PBX3: variants seen among roughly 807,000 people sequenced by gnomAD.
PBX3 encodes the protein PBX homeobox 3, also known as pre-B-cell leukemia transcription factor 3.
Under a neutral mutation model 48.5 loss-of-function variants are expected in PBX3, and 14 were observed. The ratio of observed to expected loss-of-function variants is 0.29; its 90% confidence interval spans 0.19 to 0.45. The LOEUF is 0.45. Ranked by LOEUF, PBX3 falls within the 20% of genes least tolerant of loss-of-function variation. The pLI is 1.00. For missense variants in PBX3, 386 were observed against 546.7 expected, an observed-to-expected ratio of 0.71 and a Z score of 2.93; for synonymous variants, 210 against 200.3, an observed-to-expected ratio of 1.05 and a Z score of -0.41.
intron 2 of PBX3, among the ~76,000 whole-genome samples, chr9:125,830,946 A>G (rs566252173): frequency 2.0e-5 from 3 of 152,262 alleles, no homozygotes; most frequent in Admixed American, 2.0e-4. Context: ...CTCCTGTATA[A>G]CCACCAGTCA....
chr9:125,937,368 A>C (rs1841861453), intron 5 of PBX3, among the ~76,000 whole-genome samples: 2 of 152,162 alleles, frequency 1.3e-5, no homozygotes, highest in Non-Finnish European at 1.5e-5. Flanking sequence ...TTTAAAAAAA[A>C]CAGTTAATTA....
chr9:125,922,741 AT>A (rs1841483542), intron 3 of PBX3, among the ~76,000 whole-genome samples: 1 of 152,192 alleles, frequency 6.6e-6, no homozygotes, highest in Non-Finnish European at 1.5e-5. Flanking sequence ...TGTTTAAAAA[AT>A]GTATGCCTTT....
chr9:125,838,030 A>G (rs572132135), intron 2 of PBX3, among the ~76,000 whole-genome samples: 94 of 152,250 alleles, frequency 6.2e-4, no homozygotes, highest in African/African-American at 2.1e-3. Context: ...ATTTGATACC[A>G]TATGGAAAAA....
chr9:125,875,796 T>G (rs890935674), intron 2 of PBX3, among the ~76,000 whole-genome samples: 1 of 152,202 alleles, frequency 6.6e-6, no homozygotes, highest in African/African-American at 2.4e-5. Flanking sequence ...ATAAATTGGC[T>G]TTTTATTCTT....
chr9:125,846,003 A>G (rs1564136136), intron 2 of PBX3, among the ~76,000 whole-genome samples: 1 of 152,116 alleles, frequency 6.6e-6, no homozygotes, highest in South Asian at 2.1e-4. Flanking sequence ...ATTAGTTTTT[A>G]AAAAATATAT....
At chr9:125,846,259 T>C (rs1414515740) in intron 2 of PBX3, among the ~76,000 whole-genome samples, 2 of 152,074 alleles carry the variant, frequency 1.3e-5, no homozygotes, top group African/African-American at 2.4e-5. Context: ...ATAAGTGTTA[T>C]TGTTCATGTC....
chr9:125,837,521 G>T (rs994935993), intron 2 of PBX3, among the ~76,000 whole-genome samples: 2 of 151,664 alleles, frequency 1.3e-5, no homozygotes, highest in Non-Finnish European at 2.9e-5. Context: ...TGTACTTTTT[G>T]CATTTTGAAC....
In PBX3 at chr9:125,928,392, A is replaced by ATGTGTGTGTG. The variant is rs112869741; in HGVS notation, c.517-1241_517-1232dup. On this transcript the variant is annotated intron_variant, in intron 3 of 8. Coordinates refer to ENST00000373489, the MANE Select transcript of PBX3 (RefSeq NM_006195.6). ...AGACTCTGAATATTAGGGGAAACAAATGTGTGTGTGTGTGTGTGTGTGTGT... is the reference window on the plus strand; with the variant it reads ...AGACTCTGAATATTAGGGGAAACAAATGTGTGTGTGTGTGTGTGTGTGTGTGTGTGTGTGT... Among the ~76,000 whole-genome samples, 186 of 140,282 alleles carry ATGTGTGTGTG rather than the reference A, an allele frequency of 1.3e-3. No individual in the cohort carries two copies. The East Asian group carries it at 0.019, about 14-fold the overall frequency. 92.0% of individuals were successfully genotyped at this position (140,282 alleles called of 152,430 possible).
intron 2 of PBX3, among the ~76,000 whole-genome samples, chr9:125,809,774 T>C (rs1838233533): frequency 6.6e-6 from 1 of 152,146 alleles, no homozygotes. Flanking sequence ...AAGCCATGAC[T>C]GGAAGAAGAC....
At chr9:125,786,786 C>T (rs1837468484) in intron 2 of PBX3, among the ~76,000 whole-genome samples, 1 of 150,972 alleles carries the variant, frequency 6.6e-6, no homozygotes, top group Non-Finnish European at 1.5e-5. Flanking sequence ...GTGCGATGGC[C>T]CAATCTCAGC....
At chr9:125,809,851 C>G (rs1412317730) in intron 2 of PBX3, among the ~76,000 whole-genome samples, 1 of 151,960 alleles carries the variant, frequency 6.6e-6, no homozygotes, top group Non-Finnish European at 1.5e-5. Context: ...AAAAGGCAAC[C>G]TGGTAGAAAA....
At chr9:125,937,658 G>A (rs1457591907) in intron 5 of PBX3, among the ~76,000 whole-genome samples, 1 of 152,124 alleles carries the variant, frequency 6.6e-6, no homozygotes, top group Non-Finnish European at 1.5e-5. Context: ...CAGGTCAACT[G>A]CTTTTGCTTT....
chr9:125,801,915 A>G (rs1837961466), intron 2 of PBX3, among the ~76,000 whole-genome samples: 1 of 151,752 alleles, frequency 6.6e-6, no homozygotes, highest in South Asian at 2.1e-4. Flanking sequence ...TTTTGAGGTT[A>G]AGAAAATTTA....
At position 125,836,578 on chromosome 9, in the gene PBX3, T is replaced by C. The variant is rs547342294; in HGVS notation, c.275-79108T>C. On this transcript the variant is annotated intron_variant, in intron 2 of 8. Coordinates refer to ENST00000373489, the MANE Select transcript of PBX3 (RefSeq NM_006195.6). ...AAAAATATGGTTAGAAGGAATAAGA[T>C]CTAGTGTTTGGTAGCTCAGTAGGGT... Among the ~76,000 whole-genome samples the C allele has an allele frequency of 2.6e-5, 4 of 152,148 alleles. No individual in the cohort carries two copies. The South Asian group carries it at 8.3e-4, about 32-fold the overall frequency.
chr9:125,797,776 T>G (rs902059226), intron 2 of PBX3, among the ~76,000 whole-genome samples: 1 of 152,156 alleles, frequency 6.6e-6, no homozygotes, highest in Non-Finnish European at 1.5e-5. Context: ...GTATTTAGAC[T>G]TGTTCATTCT....
chr9:125,912,294 A>G (rs1841221845), intron 2 of PBX3, among the ~76,000 whole-genome samples: 1 of 152,184 alleles, frequency 6.6e-6, no homozygotes, highest in Non-Finnish European at 1.5e-5. Context: ...CCCCGTAATC[A>G]TACCATTTGA....
At chr9:125,950,039 C>T (rs1461355315) in intron 5 of PBX3, among the ~76,000 whole-genome samples, 1 of 150,884 alleles carries the variant, frequency 6.6e-6, no homozygotes, top group African/African-American at 2.5e-5. Context: ...GTATACCTAC[C>T]ACATTTTTTT....
chr9:125,965,900 G>T lies in PBX3; in HGVS notation c.1282G>T (p.Val428Leu), dbSNP rs1376543834. The change falls in exon 9 of 9, where the codon GTG becomes TTG. Residue 428 changes from valine to leucine, a missense_variant. Val to Leu is a conservative substitution (Grantham distance 32). This residue lies in a region of PBX3 where 127 missense variants were observed against 143.3 expected (regional missense o/e 0.89). Coordinates refer to ENST00000373489, the MANE Select transcript of PBX3 (RefSeq NM_006195.6). ...TTCTCCTACAGAAGGCCCAGGAAGTGTGCACTCGGATACCTCTAACTAATC... is the reference window on the plus strand; with the variant it reads ...TTCTCCTACAGAAGGCCCAGGAAGTTTGCACTCGGATACCTCTAACTAATC... ...VTSPTEGPGS[V>L]HSDTSN The T allele has an allele frequency of 6.2e-7, 1 of 1,613,788 alleles. No homozygotes were observed. Among genetic ancestry groups the T allele is most frequent in the African/African-American group, 1.3e-5 (1 of 74,912 alleles).
chr9:125,942,804 C>T (rs1324079394), intron 5 of PBX3, among the ~76,000 whole-genome samples: 1 of 152,114 alleles, frequency 6.6e-6, no homozygotes, highest in African/African-American at 2.4e-5. Flanking sequence ...AAACAGTGCG[C>T]AGAGAATAAA....
Sources: gnomAD v4.1 joint callset for allele counts (sites outside exome capture counted in the v4.1 genomes callset) on GRCh38, gnomAD v4.1.1 for gene constraint, gnomAD v4.1.1 regional missense constraint, MANE v1.5 for transcripts, NCBI Gene and HGNC (gene_info 2026-07-23, HGNC 2026-07-21) for gene names.